The following ZNF567 variants were observed in gnomAD, a reference collection of about 807,000 sequenced individuals.
The protein encoded by ZNF567 is zinc finger protein 567.
ZNF567 carries 36 observed loss-of-function variants against 53.9 expected under a neutral mutation model. The ratio of observed to expected loss-of-function variants is 0.67; its 90% CI spans 0.51 to 0.88. ZNF567 has a LOEUF of 0.88. Among genes scored for constraint, ZNF567 ranks in the 40% least tolerant of loss-of-function variants. The pLI is 0.00. For missense variants in ZNF567, 619 were observed against 764.7 expected, an observed-to-expected ratio of 0.81 and a Z score of 2.25; for synonymous variants, 224 against 260.4, an observed-to-expected ratio of 0.86 and a Z score of 1.35.
chr19:36,677,155 CAAAAAAAAAAA>C, the ZNF567 span, among the ~76,000 whole-genome samples: 4 of 28,240 alleles, frequency 1.4e-4, no homozygotes, highest in Non-Finnish European at 2.4e-4. Flanking sequence ...AACTCCGTCT[CAAAAAAAAAAA>C]AAAAAAAAAA....
upstream of ZNF567, among the ~76,000 whole-genome samples, chr19:36,685,099 C>A (rs2038239937): frequency 6.6e-6 from 1 of 152,098 alleles, no homozygotes; most frequent in Admixed American, 6.5e-5. Flanking sequence ...ACCAGCCTGG[C>A]CAACTTGGCG....
chr19:36,725,813 TAAC>T (rs2040333396), downstream of ZNF567, among the ~76,000 whole-genome samples: 1 of 152,176 alleles, frequency 6.6e-6, no homozygotes, highest in Non-Finnish European at 1.5e-5. Context: ...GAGGCCTGGC[TAAC>T]TTCTATATTT....
At chr19:36,721,744 CTTTTTTTTTTTTT>C (rs5827963), downstream of ZNF567, among the ~76,000 whole-genome samples, 1 of 101,486 alleles carries the variant, frequency 9.9e-6, no homozygotes, top group East Asian at 3.3e-4. Flanking sequence ...TTTTTTTTTT[CTTTTTTTTTTTTT>C]TTTTTGAGAC....
intron 5 of ZNF567, chr19:36,714,532 C>G (rs2039951059): frequency 2.5e-6 from 1 of 398,066 alleles, no homozygotes; most frequent in African/African-American, 2.1e-5. Context: ...GGTTAGTGGT[C>G]CTCTCCTTAC....
upstream of ZNF567, chr19:36,686,791 G>A (rs570713624): frequency 6.6e-6 from 1 of 152,152 alleles, no homozygotes; most frequent in Non-Finnish European, 1.5e-5. Context: ...TTTCACTGCA[G>A]CTGGGGTCTA....
At chr19:36,695,442 T>C (rs2038834827) in intron 3 of ZNF567, among the ~76,000 whole-genome samples, 1 of 152,028 alleles carries the variant, frequency 6.6e-6, no homozygotes, top group African/African-American at 2.4e-5. Context: ...GGCAAGATAA[T>C]TGCTTGAATC....
At chr19:36,726,973 T>G (rs2040336939), downstream of ZNF567, 2 of 113,516 alleles carry the variant, frequency 1.8e-5, no homozygotes, top group Non-Finnish European at 3.7e-5. Flanking sequence ...TCTTTCTTTC[T>G]TTCTTTCTTT....
At chr19:36,682,683 C>CTG, upstream of ZNF567, among the ~76,000 whole-genome samples, 1 of 150,894 alleles carries the variant, frequency 6.6e-6, no homozygotes, top group East Asian at 2.0e-4. Context: ...TCTTGGCTCA[C>CTG]TGCAAGCTCC....
downstream of ZNF567, chr19:36,723,171 C>A: frequency 1.4e-6 from 1 of 702,696 alleles, no homozygotes; most frequent in Non-Finnish European, 2.6e-6. Context: ...AAGATGGAAG[C>A]CTACCTTGTT....
At chr19:36,685,950 G>A (rs2038259529), upstream of ZNF567, 1 of 152,200 alleles carries the variant, frequency 6.6e-6, no homozygotes, top group Admixed American at 6.5e-5. Context: ...GTTGCTCACT[G>A]GACCTCTCTC....
chr19:36,697,668 A>G (rs1600513093), intron 3 of ZNF567, among the ~76,000 whole-genome samples: 1 of 148,392 alleles, frequency 6.7e-6, no homozygotes, highest in Non-Finnish European at 1.5e-5. Flanking sequence ...GCTGGAGTGC[A>G]GTGGTGGATC....
intron 1 of ZNF567, among the ~76,000 whole-genome samples, chr19:36,687,879 G>T (rs1277080588): frequency 2.0e-5 from 3 of 152,166 alleles, no homozygotes; most frequent in African/African-American, 7.2e-5. Flanking sequence ...GAGGCGGGGG[G>T]TGAGCTCCCC....
intron 3 of ZNF567, among the ~76,000 whole-genome samples, chr19:36,705,319 G>A (rs2039435013): frequency 1.3e-5 from 2 of 151,964 alleles, no homozygotes; most frequent in South Asian, 4.2e-4. Flanking sequence ...TCTAATAGAA[G>A]CTTTAAATGC....
At chr19:36,690,498 G>A (rs2038543315) in intron 2 of ZNF567, among the ~76,000 whole-genome samples, 1 of 152,112 alleles carries the variant, frequency 6.6e-6, no homozygotes, top group Non-Finnish European at 1.5e-5. Flanking sequence ...ACTGAGGTGG[G>A]AGGATCACCT....
At chr19:36,698,374 G>T (rs1475028943) in intron 3 of ZNF567, among the ~76,000 whole-genome samples, 1 of 151,702 alleles carries the variant, frequency 6.6e-6, no homozygotes, top group Admixed American at 6.6e-5. Context: ...GAATAGTGCC[G>T]CAGTAAACAT....
chr19:36,722,366 G>T (rs900114244), downstream of ZNF567, among the ~76,000 whole-genome samples: 11 of 151,848 alleles, frequency 7.2e-5, no homozygotes, highest in African/African-American at 2.7e-4. Flanking sequence ...CAATGACATG[G>T]TCTCAACTCA....
chr19:36,672,891 T>A, the ZNF567 span, among the ~76,000 whole-genome samples: 1 of 152,142 alleles, frequency 6.6e-6, no homozygotes, highest in East Asian at 1.9e-4. Context: ...ACATAATGGA[T>A]AATGGAAGAA....
chr19:36,694,945 T>C (rs2038802787), intron 3 of ZNF567, 69 bp downstream of exon 3: 2 of 1,470,320 alleles, frequency 1.4e-6, no homozygotes, highest in South Asian at 1.3e-5. Flanking sequence ...TATTTGGGCA[T>C]GTGTCGGTCT....
chr19:36,694,162 G>A (rs1390763898), intron 2 of ZNF567, among the ~76,000 whole-genome samples: 1 of 152,174 alleles, frequency 6.6e-6, no homozygotes, highest in Non-Finnish European at 1.5e-5. Flanking sequence ...CTCCAGCCTG[G>A]ATGGCAGAGT....
Sources: gnomAD v4.1 joint callset for allele counts (sites outside exome capture counted in the v4.1 genomes callset) on GRCh38, gnomAD v4.1.1 for gene constraint, MANE v1.5 for transcripts, NCBI Gene and HGNC (gene_info 2026-07-23, HGNC 2026-07-21) for gene names.